The following FUT8 variants were observed in gnomAD, a reference collection of about 807,000 sequenced individuals.
FUT8 encodes the protein fucosyltransferase 8, also known as alpha-(1,6)-fucosyltransferase.
Under a neutral mutation model 71.3 loss-of-function variants are expected in FUT8, and 29 were observed. The observed-to-expected ratio is 0.41, with a 90% CI of 0.30 to 0.55. FUT8 has a LOEUF of 0.55. Ranked by LOEUF, FUT8 falls within the 20% of genes least tolerant of loss-of-function variation. The pLI, the probability that FUT8 is intolerant of heterozygous loss-of-function variation, is 0.34. For synonymous variants in FUT8, 254 were observed against 239.3 expected (o/e 1.06, Z -0.57); for missense variants, 544 against 702.1 (o/e 0.77, Z 2.55).
chr14:65,562,342 C>T (rs576682136), intron 3 of FUT8, among the ~76,000 whole-genome samples: 20 of 152,124 alleles, frequency 1.3e-4, no homozygotes, highest in African/African-American at 4.8e-4. Context: ...CTGAGTTAGT[C>T]TAACTAGAAC....
chr14:65,620,499 G>T (rs967447944), intron 5 of FUT8, among the ~76,000 whole-genome samples: 1 of 152,204 alleles, frequency 6.6e-6, no homozygotes, highest in African/African-American at 2.4e-5. Context: ...GGGAAAGATT[G>T]ATAGAATAGC....
Position 65,724,216 on chromosome 14 carries a change from G to C in FUT8, c.1152G>C (p.Val384=). ...TCCATCCCATTGAAGAGTACATGGT[G>C]CATGTTGAAGAACATTTTCAGCTTC... ...AAFHPIEEYM[V]HVEEHFQLLA... Residue 384 remains valine, a synonymous_variant, in exon 9 of 11, where the codon GTG becomes GTC. Coordinates refer to ENST00000673929, the MANE Select transcript of FUT8 (RefSeq NM_001371533.1). 6 of 1,613,566 alleles carry C rather than the reference G, an allele frequency of 3.7e-6. No homozygotes were observed. Among genetic ancestry groups the C allele is most frequent in the Non-Finnish European group, 5.1e-6 (6 of 1,179,774 alleles).
chr14:65,601,777 A>AT lies in FUT8; in HGVS notation c.204-14195dup, dbSNP rs1468383001. Among the ~76,000 whole-genome samples the AT allele has an allele frequency of 1.1e-4, 17 of 152,222 alleles. No homozygotes were observed. In the South Asian group the frequency reaches 1.9e-3, roughly 17 times the overall value. On this transcript the variant is annotated intron_variant, in intron 3 of 10. Transcript: ENST00000673929. Reference sequence around the variant, plus strand: ...TATCATTAATGATGAGCAACTACTTATTTTTTATCTAATTTTATTAACGCG... The same window carrying AT: ...TATCATTAATGATGAGCAACTACTTATTTTTTTATCTAATTTTATTAACGCG...
At chr14:65,397,623 C>T in the FUT8 span, among the ~76,000 whole-genome samples, 200 of 152,316 alleles carry the variant, frequency 1.3e-3, no homozygotes, top group African/African-American at 4.3e-3. This position sits in a 1 kb window ranked among gnomAD's most constrained non-coding sequence, Gnocchi z 4.2. Context: ...TGTGTGCACA[C>T]GTGCACGCCT....
At chr14:65,624,884 G>A (rs1179907094) in intron 5 of FUT8, among the ~76,000 whole-genome samples, 1 of 152,138 alleles carries the variant, frequency 6.6e-6, no homozygotes, top group African/African-American at 2.4e-5. Context: ...GACCAACATG[G>A]TGAAACCCTG....
rs1371463947 is a variant in FUT8 at position 65,639,499 on chromosome 14, T to G, written c.597+9893T>G. On this transcript the variant is annotated intron_variant, in intron 6 of 10. Transcript: ENST00000673929. ...GCTTAAACTTCCTGTGAGTATTGTC[T>G]TCAAATCCAGACACACACACACACA... is the stretch of plus-strand genomic sequence containing the variant. Among the ~76,000 whole-genome samples the G allele has an allele frequency of 3.2e-5, 4 of 124,246 alleles. No individual in the cohort carries two copies. The Admixed American group carries it at 3.6e-4, about 11-fold the overall frequency. 81.5% of individuals were successfully genotyped at this position (124,246 alleles called of 152,430 possible). A position where few individuals can be genotyped will look rare whatever the true frequency, so the allele number is the denominator to read the frequency against.
intron 7 of FUT8, among the ~76,000 whole-genome samples, chr14:65,699,816 G>GT (rs552226457): frequency 2.6e-5 from 4 of 152,000 alleles, no homozygotes; most frequent in South Asian, 2.1e-4. Context: ...ATATTTACTG[G>GT]TTTTTTTTAT....
In FUT8 at chr14:65,518,759, A is replaced by T. The variant is rs904735270; in HGVS notation, c.-227-42578A>T. On this transcript the variant is annotated intron_variant, in intron 2 of 10. Transcript: ENST00000673929. Reference sequence around the variant, plus strand: ...TGTCTCAAACTCCTCCTCTCAAGTGATTCACCTGCTTTGGCCTCCCAAAGT... The same window carrying T: ...TGTCTCAAACTCCTCCTCTCAAGTGTTTCACCTGCTTTGGCCTCCCAAAGT... Among the ~76,000 whole-genome samples the T allele has an allele frequency of 1.8e-4, 28 of 152,178 alleles. 1 individual carries two copies. The highest frequency in any genetic ancestry group is 3.4e-3 in the Middle Eastern group (1 of 294).
intron 7 of FUT8, among the ~76,000 whole-genome samples, chr14:65,675,558 A>T (rs1004329867): frequency 3.3e-5 from 5 of 152,144 alleles, no homozygotes; most frequent in Admixed American, 2.0e-4. Context: ...TTTAAGAAAC[A>T]CCATTCTATG....
intron 7 of FUT8, among the ~76,000 whole-genome samples, chr14:65,670,631 C>T (rs1892429825): frequency 1.3e-5 from 2 of 152,062 alleles, no homozygotes; most frequent in African/African-American, 4.8e-5. Flanking sequence ...TGGGGCTAAG[C>T]ACCTTTTTTC....
At chr14:65,425,979 A>G (rs1399953501) in intron 1 of FUT8, among the ~76,000 whole-genome samples, 1 of 151,280 alleles carries the variant, frequency 6.6e-6, no homozygotes, top group East Asian at 1.9e-4. Flanking sequence ...TCTGTCTCAA[A>G]AAAAAAAAAA....
chr14:65,435,922 CTTTTTTTT>C, intron 1 of FUT8, among the ~76,000 whole-genome samples: 1 of 121,908 alleles, frequency 8.2e-6, no homozygotes, highest in East Asian at 2.4e-4. Context: ...GATATCTTCC[CTTTTTTTT>C]TTTTTTTTTT....
chr14:65,633,637 G>A lies in FUT8; in HGVS notation c.597+4031G>A, dbSNP rs534266380. Among the ~76,000 whole-genome samples the A allele has an allele frequency of 9.5e-3, 1,403 of 147,600 alleles. 21 individuals carry two copies. Among genetic ancestry groups the A allele is most frequent in the African/African-American group, 0.033 (1,291 of 39,630 alleles). On this transcript the variant is annotated intron_variant, in intron 6 of 10. Transcript: ENST00000673929. ...GGGAGCGCCTCTGCCCCGCCGCCCCGTCTGGGATGTGAGGAGCGCCTCTGC... is the reference window on the plus strand; with the variant it reads ...GGGAGCGCCTCTGCCCCGCCGCCCCATCTGGGATGTGAGGAGCGCCTCTGC...
intron 2 of FUT8, among the ~76,000 whole-genome samples, chr14:65,531,946 T>C (rs1054865408): frequency 1.3e-5 from 2 of 152,194 alleles, no homozygotes; most frequent in African/African-American, 4.8e-5. Context: ...GCAAAGTACA[T>C]GATCTCATTT....
At chr14:65,597,607 A>AGCTC (rs1456505683) in intron 3 of FUT8, among the ~76,000 whole-genome samples, 4 of 146,080 alleles carry the variant, frequency 2.7e-5, no homozygotes, top group Non-Finnish European at 6.0e-5. Flanking sequence ...TGGGCGATAG[A>AGCTC]GCGAGACTCT....
the FUT8 span, among the ~76,000 whole-genome samples, chr14:65,383,140 C>G: frequency 6.6e-6 from 1 of 152,138 alleles, no homozygotes; most frequent in Non-Finnish European, 1.5e-5. Context: ...TACCTGGCCT[C>G]CCTGCCTTCA....
intron 2 of FUT8, among the ~76,000 whole-genome samples, chr14:65,482,601 A>G (rs1053525837): frequency 6.6e-6 from 1 of 152,148 alleles, no homozygotes; most frequent in Admixed American, 6.6e-5. Context: ...TCTTGATGCC[A>G]CTACCATGCT....
At chr14:65,358,967 T>C in the FUT8 span, among the ~76,000 whole-genome samples, 1 of 152,236 alleles carries the variant, frequency 6.6e-6, no homozygotes, top group African/African-American at 2.4e-5. Context: ...CAGAACACTA[T>C]GACCACATCT....
At chr14:65,566,456 T>G (rs1886199922) in intron 3 of FUT8, among the ~76,000 whole-genome samples, 1 of 152,012 alleles carries the variant, frequency 6.6e-6, no homozygotes, top group South Asian at 2.1e-4. Context: ...TTAGGTCAAA[T>G]CATGGTGGGC....
Sources: gnomAD v4.1 joint callset for allele counts (sites outside exome capture counted in the v4.1 genomes callset) on GRCh38, gnomAD v4.1.1 for gene constraint, Gnocchi (gnomAD v3.1) non-coding constraint, MANE v1.5 for transcripts, NCBI Gene and HGNC (gene_info 2026-07-23, HGNC 2026-07-21) for gene names.